Variants in FAT3 observed in about 807,000 individuals in gnomAD.
FAT3 encodes FAT atypical cadherin 3, also known as protocadherin Fat 3.
FAT3 carries 95 observed loss-of-function variants against 310.2 expected under a neutral mutation model. The ratio of observed to expected loss-of-function variants is 0.31; its 90% CI spans 0.26 to 0.36. The LOEUF is 0.36. Among genes scored for constraint, FAT3 ranks in the 10% least tolerant of loss-of-function variants. The pLI, the probability that FAT3 is intolerant of heterozygous loss-of-function variation, is 1.00. For synonymous variants in FAT3, 2,314 were observed against 2,192.9 expected, an observed-to-expected ratio of 1.06 and a Z score of -1.54; for missense variants, 5,408 against 5,715.6, an observed-to-expected ratio of 0.95 and a Z score of 1.74.
At chr11:92,277,974 C>T (rs1323920241) in intron 1 of FAT3, among the ~76,000 whole-genome samples, 2 of 152,064 alleles carry the variant, frequency 1.3e-5, no homozygotes, top group Non-Finnish European at 2.9e-5. Flanking sequence ...TTCCCAGCTC[C>T]TCAGGAGGCT....
rs200970952 is a variant in FAT3 at position 92,840,642 on chromosome 11, A to C, written c.10449A>C (p.Ser3483=). ...CCTTTCACAATGGGCCTCCCTTTTC[A>C]TTCTCTATTTTGTCGGGAAATGAAG... ...RDSFHNGPPF[S]FSILSGNEEE... is the part of the protein sequence containing the mutation. Residue 3483 remains serine, a synonymous_variant, in exon 18 of 28, where the codon TCA becomes TCC. Transcript: ENST00000525166. The C allele has an allele frequency of 8.3e-5, 134 of 1,612,978 alleles. No homozygotes were observed. In the Middle Eastern group the frequency reaches 1.3e-3, roughly 16 times the overall value.
intron 3 of FAT3, among the ~76,000 whole-genome samples, chr11:92,589,206 A>G (rs1228053999): frequency 6.6e-6 from 1 of 152,078 alleles, no homozygotes; most frequent in Non-Finnish European, 1.5e-5. Flanking sequence ...TTTACATTGG[A>G]AGTGACCTGG....
chr11:92,358,477 T>C (rs1948793188), intron 2 of FAT3, among the ~76,000 whole-genome samples: 2 of 152,174 alleles, frequency 1.3e-5, no homozygotes, highest in Admixed American at 1.3e-4. Context: ...TCCTTTATTA[T>C]TTCATTCTGT....
At chr11:92,231,652 A>G (rs1262308261) in intron 1 of FAT3, among the ~76,000 whole-genome samples, 1 of 152,210 alleles carries the variant, frequency 6.6e-6, no homozygotes, top group Non-Finnish European at 1.5e-5. Flanking sequence ...TGGAGCAGCT[A>G]TTGATGTTTT....
chr11:92,373,462 G>A (rs1465109714), intron 2 of FAT3, among the ~76,000 whole-genome samples: 1 of 152,078 alleles, frequency 6.6e-6, no homozygotes, highest in African/African-American at 2.4e-5. Flanking sequence ...CTTGGAGTAG[G>A]TATGTTTGGA....
rs1461637600 is a variant in FAT3 at position 92,834,862 on chromosome 11, C to T, written c.9872-8C>T. 1.3e-6 allele frequency: 2 copies of T among 1,588,592 alleles called. No homozygotes were observed. Among genetic ancestry groups the T allele is most frequent in the Non-Finnish European group, 1.7e-6 (2 of 1,165,660 alleles). On this transcript the variant is annotated splice_polypyrimidine_tract_variant and splice_region_variant and intron_variant, in intron 14 of 27. Transcript: ENST00000525166. ...ATGAAATATAAAGCTCCCCATTTTT[C>T]TTCAAAGGGGGTATTTCTGTCTCTG...
chr11:92,394,000 A>T (rs1042190265), intron 2 of FAT3, among the ~76,000 whole-genome samples: 3 of 152,140 alleles, frequency 2.0e-5, no homozygotes, highest in African/African-American at 7.2e-5. Context: ...AAGAAGAGAG[A>T]TGCTTGTCAA....
intron 2 of FAT3, among the ~76,000 whole-genome samples, chr11:92,461,551 A>T (rs1393329611): frequency 6.6e-6 from 1 of 152,152 alleles, no homozygotes; most frequent in African/African-American, 2.4e-5. Flanking sequence ...GTTAGAACAG[A>T]CACACAGATG....
chr11:92,494,747 G>A (rs1043627360), intron 2 of FAT3, among the ~76,000 whole-genome samples: 3 of 152,024 alleles, frequency 2.0e-5, no homozygotes, highest in African/African-American at 7.2e-5. Context: ...TATCCTAAAT[G>A]CTGCTTCCAG....
At position 92,480,392 on chromosome 11, in the gene FAT3, A is replaced by G. The variant is rs1054850538; in HGVS notation, c.3293-44242A>G. Among the ~76,000 whole-genome samples the G allele has an allele frequency of 2.6e-5, 4 of 152,190 alleles. No homozygotes were observed. The East Asian group carries it at 5.8e-4, about 22-fold the overall frequency. On this transcript the variant is annotated intron_variant, in intron 2 of 27. Coordinates refer to ENST00000525166, the MANE Select transcript of FAT3 (RefSeq NM_001367949.2). ...CGGCCACCTCTGTGTACCTCAAATT[A>G]TGGAAGAAACATATACCAGAGCTTT... is the stretch of plus-strand genomic sequence containing the variant.
chr11:92,628,442 G>A (rs749044784), intron 3 of FAT3, among the ~76,000 whole-genome samples: 5 of 152,024 alleles, frequency 3.3e-5, no homozygotes, highest in Admixed American at 6.5e-5. Flanking sequence ...GCCCTTTTTT[G>A]TGAGCAGCTA....
intron 3 of FAT3, among the ~76,000 whole-genome samples, chr11:92,674,344 G>A (rs1943222557): frequency 1.3e-5 from 2 of 151,728 alleles, no homozygotes; most frequent in African/African-American, 4.8e-5. Flanking sequence ...CAAGGAGAAA[G>A]AAAGAGATTT....
chr11:92,549,744 T>C (rs1954737901), intron 3 of FAT3, among the ~76,000 whole-genome samples: 1 of 152,192 alleles, frequency 6.6e-6, no homozygotes. Flanking sequence ...GAAATCTAAC[T>C]TGCCAGAGTC....
chr11:92,719,649 T>A (rs901339702), intron 4 of FAT3, among the ~76,000 whole-genome samples: 5 of 151,956 alleles, frequency 3.3e-5, no homozygotes, highest in Non-Finnish European at 7.4e-5. Flanking sequence ...GTTTTTTTCT[T>A]CTCCAAATAT....
At chr11:92,859,838 T>C (rs1213998954) in intron 21 of FAT3, among the ~76,000 whole-genome samples, 1 of 152,200 alleles carries the variant, frequency 6.6e-6, no homozygotes, top group Non-Finnish European at 1.5e-5. Flanking sequence ...GCAGCCAGAT[T>C]TATTTTAGAG....
intron 4 of FAT3, among the ~76,000 whole-genome samples, chr11:92,722,980 C>G (rs1239411579): frequency 6.6e-6 from 1 of 152,162 alleles, no homozygotes; most frequent in South Asian, 2.1e-4. Context: ...CCTTGAAGAC[C>G]TCTGACATGC....
chr11:92,867,016 G>A lies in FAT3; in HGVS notation c.11934G>A (p.Val3978=), dbSNP rs763560834. The part of the protein sequence containing the change: ...RSLTDTRVTQ[V]LSGFQGCLDS... ...TGACTGACACGCGGGTCACGCAGGT[G>A]CTCAGCGGCTTCCAGGGCTGCCTGG... Residue 3978 remains valine (V), a synonymous_variant, in exon 22 of 28, where the codon GTG becomes GTA. Coordinates refer to ENST00000525166, the MANE Select transcript of FAT3 (RefSeq NM_001367949.2). 5 of 1,595,740 alleles carry A rather than the reference G, an allele frequency of 3.1e-6. No homozygotes were observed. The highest frequency in any genetic ancestry group is 4.3e-6 in the Non-Finnish European group (5 of 1,171,172).
chr11:92,816,092 G>C lies in FAT3; in HGVS notation c.9481+6016G>C, dbSNP rs138666932. Reference sequence around the variant, plus strand: ...CAACTCAGGAAGGATTCACCAAATGGTATTAGCACTTACCAAAATGCTAAG... The same window carrying C: ...CAACTCAGGAAGGATTCACCAAATGCTATTAGCACTTACCAAAATGCTAAG... On this transcript the variant is annotated intron_variant, in intron 13 of 27. Transcript: ENST00000525166. Among the ~76,000 whole-genome samples, 148 of 152,292 alleles carry C rather than the reference G, an allele frequency of 9.7e-4. 1 individual carries two copies. The highest frequency in any genetic ancestry group is 3.1e-3 in the African/African-American group (128 of 41,546).
intron 3 of FAT3, among the ~76,000 whole-genome samples, chr11:92,529,799 G>A (rs1220868466): frequency 6.6e-6 from 1 of 152,138 alleles, no homozygotes; most frequent in African/African-American, 2.4e-5. Context: ...CAGTTGCTCT[G>A]TCTCCCTTTG....
Sources: allele counts gnomAD v4.1 joint callset (sites outside exome capture counted in the v4.1 genomes callset), GRCh38; gene constraint gnomAD v4.1.1; transcripts MANE v1.5; gene names NCBI Gene and HGNC (gene_info 2026-07-23, HGNC 2026-07-21).